Variants in DIAPH3 observed in about 807,000 individuals in gnomAD.
DIAPH3 encodes protein diaphanous homolog 3.
Under a neutral mutation model 144.3 loss-of-function variants are expected in DIAPH3, and 117 were observed. That is an observed-to-expected ratio of 0.81 (90% CI 0.70 to 0.95). The LOEUF is 0.95. Ranked by LOEUF, DIAPH3 falls within the 40% of genes least tolerant of loss-of-function variation. The probability of loss-of-function intolerance (pLI) is 0.00; values close to 1 mark genes in which losing one functional copy is unlikely to be tolerated. For missense variants in DIAPH3, 1,421 were observed against 1,412.7 expected (o/e 1.01, Z -0.09); for synonymous variants, 519 against 488.9 (o/e 1.06, Z -0.81).
In DIAPH3 at chr13:60,098,436, A is replaced by G. The variant is rs142679782; in HGVS notation, c.391-4704T>C. Among the ~76,000 whole-genome samples, 37 of 152,208 alleles carry G rather than the reference A, an allele frequency of 2.4e-4. 1 individual carries two copies. In the East Asian group the frequency reaches 7.2e-3, roughly 29 times the overall value. ...CTGGAGAAAGGGGCATCTATAAGCT[A>G]TTAGAAGCCAACACTCATCACCTGG... is the stretch of plus-strand genomic sequence containing the variant. On this transcript the variant is annotated intron_variant, in intron 3 of 27. Transcript: ENST00000400324.
intron 9 of DIAPH3, among the ~76,000 whole-genome samples, chr13:60,003,156 G>A (rs1252730446): frequency 6.6e-6 from 1 of 152,146 alleles, no homozygotes; most frequent in Non-Finnish European, 1.5e-5. Context: ...GACCACAGCA[G>A]AGAGTTGGGA....
At chr13:59,905,159 G>C (rs1342898064) in intron 20 of DIAPH3, among the ~76,000 whole-genome samples, 1 of 151,564 alleles carries the variant, frequency 6.6e-6, no homozygotes, top group African/African-American at 2.4e-5. Context: ...TGGCTAAAAT[G>C]GTGAAACCCC....
At chr13:60,084,517 CGA>C (rs2137834037) in intron 4 of DIAPH3, among the ~76,000 whole-genome samples, 1 of 151,590 alleles carries the variant, frequency 6.6e-6, no homozygotes, top group Non-Finnish European at 1.5e-5. Flanking sequence ...CTACTAAATA[CGA>C]GAGTATAACA....
At chr13:59,815,115 G>A (rs1467126149) in intron 24 of DIAPH3, among the ~76,000 whole-genome samples, 2 of 152,142 alleles carry the variant, frequency 1.3e-5, no homozygotes, top group Admixed American at 1.3e-4. Context: ...TTTTTGAACA[G>A]TATGAGTTGG....
chr13:59,999,247 T>C (rs1036318630), intron 9 of DIAPH3, among the ~76,000 whole-genome samples: 1 of 152,184 alleles, frequency 6.6e-6, no homozygotes, highest in Admixed American at 6.6e-5. Context: ...TATCCCTCAC[T>C]TAAGAAAGGT....
intron 27 of DIAPH3, among the ~76,000 whole-genome samples, chr13:59,720,299 C>T (rs1195702875): frequency 6.6e-6 from 1 of 152,034 alleles, no homozygotes; most frequent in Non-Finnish European, 1.5e-5. Flanking sequence ...TTATGTGGTA[C>T]ATGACTATAT....
intron 20 of DIAPH3, among the ~76,000 whole-genome samples, chr13:59,880,441 A>C (rs1436636131): frequency 2.0e-5 from 3 of 152,196 alleles, no homozygotes; most frequent in Non-Finnish European, 4.4e-5. Flanking sequence ...ACAGATTAAA[A>C]TAGGGACTGT....
At chr13:60,024,698 C>G (rs1011683226) in intron 5 of DIAPH3, among the ~76,000 whole-genome samples, 1 of 152,048 alleles carries the variant, frequency 6.6e-6, no homozygotes, top group Non-Finnish European at 1.5e-5. Flanking sequence ...TTTGGGATAT[C>G]GTGTTATAAG....
At chr13:59,838,473 G>A (rs942383452) in intron 23 of DIAPH3, 1 of 151,770 alleles carries the variant, frequency 6.6e-6, no homozygotes, top group Admixed American at 6.6e-5. Context: ...ATCAATACAA[G>A]TAGTGACTAT....
At chr13:59,674,282 C>T (rs924556714) in intron 27 of DIAPH3, among the ~76,000 whole-genome samples, 3 of 152,066 alleles carry the variant, frequency 2.0e-5, no homozygotes, top group Non-Finnish European at 2.9e-5. Context: ...TTATAACAGC[C>T]CTGTGAGATA....
intron 27 of DIAPH3, among the ~76,000 whole-genome samples, chr13:59,753,366 T>C (rs918588714): frequency 6.6e-6 from 1 of 152,206 alleles, no homozygotes; most frequent in Non-Finnish European, 1.5e-5. Context: ...AAAATGTAGC[T>C]GGAAGATTTT....
intron 4 of DIAPH3, among the ~76,000 whole-genome samples, chr13:60,092,353 T>C (rs916655556): frequency 1.3e-5 from 2 of 152,078 alleles, no homozygotes; most frequent in African/African-American, 4.8e-5. Context: ...AGCCCATCTA[T>C]ATAGAGAGCT....
chr13:59,917,046 G>A (rs1315897346), intron 18 of DIAPH3, among the ~76,000 whole-genome samples: 3 of 152,052 alleles, frequency 2.0e-5, no homozygotes, highest in Non-Finnish European at 4.4e-5. Context: ...CATTCAAGAT[G>A]TCACTTCTTA....
At chr13:59,839,156 T>C in intron 23 of DIAPH3, 168 bp downstream of exon 23, 1 of 659,994 alleles carries the variant, frequency 1.5e-6, no homozygotes, top group Non-Finnish European at 2.6e-6. Context: ...GTATTATTCA[T>C]GATTGACAGA....
intron 22 of DIAPH3, among the ~76,000 whole-genome samples, chr13:59,854,189 C>T (rs1181910227): frequency 2.6e-5 from 4 of 152,056 alleles, no homozygotes; most frequent in Non-Finnish European, 1.5e-5. Flanking sequence ...ACACGAAGGA[C>T]TCTGAGTAGC....
intron 9 of DIAPH3, among the ~76,000 whole-genome samples, chr13:60,007,756 A>C (rs537950729): frequency 6.6e-6 from 1 of 152,330 alleles, no homozygotes; most frequent in Non-Finnish European, 1.5e-5. Flanking sequence ...AATATTATTC[A>C]GCTTGAATAC....
chr13:59,702,934 CACT>C (rs1228225476), intron 27 of DIAPH3, among the ~76,000 whole-genome samples: 1 of 152,204 alleles, frequency 6.6e-6, no homozygotes, highest in East Asian at 1.9e-4. Context: ...TGTCCTCAAA[CACT>C]ACCCTGTGGG....
At chr13:59,929,494 T>A (rs1411504935) in intron 17 of DIAPH3, among the ~76,000 whole-genome samples, 1 of 151,830 alleles carries the variant, frequency 6.6e-6, no homozygotes, top group Non-Finnish European at 1.5e-5. Flanking sequence ...TACTATAGAT[T>A]TATGATACGT....
chr13:60,132,741 AT>A (rs555776550), intron 2 of DIAPH3, among the ~76,000 whole-genome samples: 17 of 152,228 alleles, frequency 1.1e-4, no homozygotes, highest in African/African-American at 2.6e-4. Flanking sequence ...AATTAAACAA[AT>A]TTTTTTAATT....
Sources: gnomAD v4.1 joint callset for allele counts (sites outside exome capture counted in the v4.1 genomes callset) on GRCh38, gnomAD v4.1.1 for gene constraint, MANE v1.5 for transcripts, NCBI Gene and HGNC (gene_info 2026-07-23, HGNC 2026-07-21) for gene names.